The following TRAPPC13 variants were observed in gnomAD, a reference collection of about 807,000 sequenced individuals.
The protein encoded by TRAPPC13 is trafficking protein particle complex subunit 13.
In TRAPPC13, 39 loss-of-function variants were observed where a neutral mutation model predicts 54.0. The ratio of observed to expected loss-of-function variants is 0.72; its 90% CI spans 0.56 to 0.94. The LOEUF (loss-of-function observed/expected upper bound fraction) is 0.94, where lower values mean the gene tolerates loss of function less well. Ranked by LOEUF, TRAPPC13 falls within the 40% of genes least tolerant of loss-of-function variation. TRAPPC13 has a pLI of 0.00. For synonymous variants in TRAPPC13, 148 were observed against 167.7 expected, an observed-to-expected ratio of 0.88 and a Z score of 0.91; for missense variants, 386 against 488.1, an observed-to-expected ratio of 0.79 and a Z score of 1.97.
intron 1 of TRAPPC13, chr5:65,629,781 C>G (rs1288318104): frequency 6.5e-7 from 1 of 1,536,056 alleles, no homozygotes; most frequent in Non-Finnish European, 8.7e-7. Context: ...GAAGAGGCAG[C>G]TGAAGATGTG....
intron 1 of TRAPPC13, chr5:65,629,904 A>T: frequency 6.5e-7 from 1 of 1,536,138 alleles, no homozygotes; most frequent in Non-Finnish European, 8.7e-7. Context: ...ACCTGGTCAC[A>T]CACACTGAAG....
At chr5:65,650,602 A>C (rs1372124297) in intron 5 of TRAPPC13, among the ~76,000 whole-genome samples, 4 of 152,172 alleles carry the variant, frequency 2.6e-5, no homozygotes. Flanking sequence ...TGTGCTCCAA[A>C]AATGTTATAT....
At position 65,652,012 on chromosome 5, in the gene TRAPPC13, C is replaced by T. The variant is rs575840971; in HGVS notation, c.502-489C>T. Reference sequence around the variant, plus strand: ...CCGAGTAGCTGGGATTACAGGCACCCGCCACCACGCCCAGTTAATTTTTGT... The same window carrying T: ...CCGAGTAGCTGGGATTACAGGCACCTGCCACCACGCCCAGTTAATTTTTGT... On this transcript the variant is annotated intron_variant, in intron 6 of 12. Coordinates refer to ENST00000399438, the MANE Select transcript of TRAPPC13 (RefSeq NM_024941.4). 5.9e-4 allele frequency among the ~76,000 whole-genome samples: 90 copies of T among 151,656 alleles called. 1 individual carries two copies. Among genetic ancestry groups the T allele is most frequent in the Non-Finnish European group, 1.0e-3 (71 of 67,850 alleles).
At chr5:65,635,003 C>G (rs1755695397) in intron 1 of TRAPPC13, 1 of 854,082 alleles carries the variant, frequency 1.2e-6, no homozygotes, top group South Asian at 5.5e-5. Flanking sequence ...GCTCCTAATA[C>G]TCTTTAAGCT....
At chr5:65,653,538 A>G (rs1756550413) in intron 7 of TRAPPC13, among the ~76,000 whole-genome samples, 1 of 152,182 alleles carries the variant, frequency 6.6e-6, no homozygotes, top group African/African-American at 2.4e-5. Flanking sequence ...TAACAAAACT[A>G]CCTAGAATGG....
Position 65,658,409 on chromosome 5 carries a change from A to C in TRAPPC13, c.606A>C (p.Thr202=), listed in dbSNP as rs1357688277. The C allele has an allele frequency of 1.9e-6, 3 of 1,597,790 alleles. No homozygotes were observed. Among genetic ancestry groups the C allele is most frequent in the Non-Finnish European group, 2.6e-6 (3 of 1,170,814 alleles). The change falls in exon 9 of 13, where the codon ACA becomes ACC. Residue 202 remains threonine, a synonymous_variant. Transcript: ENST00000399438. ...VFLEAQIQNM[T]TSPMFMEKVS... ...TGGAAGCCCAGATTCAGAATATGAC[A>C]ACCTCACCTATGTTTATGGAGAAGG...
intron 4 of TRAPPC13, among the ~76,000 whole-genome samples, chr5:65,643,419 T>G (rs900846339): frequency 1.3e-5 from 2 of 152,150 alleles, no homozygotes; most frequent in Non-Finnish European, 2.9e-5. Flanking sequence ...TCTGTATATT[T>G]ATTGTTAACT....
intron 5 of TRAPPC13, among the ~76,000 whole-genome samples, chr5:65,650,002 G>A (rs1258091709): frequency 6.6e-6 from 1 of 151,210 alleles, no homozygotes; most frequent in Non-Finnish European, 1.5e-5. Flanking sequence ...GACTACAGGT[G>A]CCCGCCACCA....
chr5:65,658,589 T>C, intron 9 of TRAPPC13, 88 bp downstream of exon 9: 1 of 1,171,776 alleles, frequency 8.5e-7, no homozygotes, highest in Non-Finnish European at 1.1e-6. Flanking sequence ...GGTTTTTTTT[T>C]AATAGACTTT....
intron 9 of TRAPPC13, among the ~76,000 whole-genome samples, chr5:65,659,559 ACT>A (rs1561777346): frequency 1.3e-5 from 2 of 152,060 alleles, no homozygotes; most frequent in Non-Finnish European, 2.9e-5. Context: ...AAAAAGAAAT[ACT>A]CTCTCAACAT....
chr5:65,625,464 G>A, intron 1 of TRAPPC13: 1 of 274,474 alleles, frequency 3.6e-6, no homozygotes, highest in Non-Finnish European at 6.9e-6. Flanking sequence ...TGGCACTGAC[G>A]AAGTTAATCA....
At chr5:65,633,921 TC>T (rs1755641845) in intron 1 of TRAPPC13, among the ~76,000 whole-genome samples, 1 of 143,266 alleles carries the variant, frequency 7.0e-6, no homozygotes, top group African/African-American at 2.5e-5. Flanking sequence ...TAACTTCTAA[TC>T]CTTTAATTGA....
chr5:65,632,650 A>T (rs1474133340), intron 1 of TRAPPC13, among the ~76,000 whole-genome samples: 3 of 152,204 alleles, frequency 2.0e-5, no homozygotes, highest in Non-Finnish European at 2.9e-5. Context: ...CTATCTGTAT[A>T]TTGGGGTTAA....
intron 1 of TRAPPC13, among the ~76,000 whole-genome samples, chr5:65,633,482 G>A (rs1002476218): frequency 2.0e-5 from 3 of 151,648 alleles, no homozygotes; most frequent in Non-Finnish European, 2.9e-5. Flanking sequence ...GAGTTTCACC[G>A]TGGTCTCGAT....
chr5:65,635,768 G>T (rs947946322), intron 2 of TRAPPC13, among the ~76,000 whole-genome samples, 176 bp from the exon 3 acceptor site: 14 of 141,490 alleles, frequency 9.9e-5, no homozygotes, highest in Admixed American at 7.2e-5. Flanking sequence ...CATTCCCTGT[G>T]AGATCAGAAT....
chr5:65,641,328 TGA>T (rs1424371390), intron 4 of TRAPPC13, among the ~76,000 whole-genome samples: 1 of 152,196 alleles, frequency 6.6e-6, no homozygotes, highest in Non-Finnish European at 1.5e-5. Flanking sequence ...TGTTGTCTTT[TGA>T]TCAGGTTTTA....
At chr5:65,635,478 C>G in intron 2 of TRAPPC13, 109 bp downstream of exon 2, 1 of 859,524 alleles carries the variant, frequency 1.2e-6, no homozygotes. Context: ...TAACCATTTG[C>G]TGGATTCTTT....
rs376972692 is a variant in TRAPPC13 at position 65,649,691 on chromosome 5, C to A, written c.429-1119C>A. On this transcript the variant is annotated intron_variant, in intron 5 of 12. Transcript: ENST00000399438. ...TGTTTTGCTTATTAACTTATGGGAA[C>A]CCTTTGTCATATTAAGTATTAAAGT... 2.0e-4 allele frequency among the ~76,000 whole-genome samples: 31 copies of A among 152,094 alleles called. No individual in the cohort carries two copies. In the South Asian group the frequency reaches 3.7e-3, roughly 18 times the overall value.
chr5:65,631,992 GA>G (rs1208269405), intron 1 of TRAPPC13, among the ~76,000 whole-genome samples: 12 of 151,680 alleles, frequency 7.9e-5, no homozygotes, highest in African/African-American at 2.9e-4. Context: ...CTAATGAAAT[GA>G]AAAAAATAAT....
Sources: gnomAD v4.1 joint callset for allele counts (sites outside exome capture counted in the v4.1 genomes callset) on GRCh38, gnomAD v4.1.1 for gene constraint, MANE v1.5 for transcripts, NCBI Gene and HGNC (gene_info 2026-07-23, HGNC 2026-07-21) for gene names.